RAD54L: variants seen among roughly 807,000 people sequenced by gnomAD.
RAD54L encodes the protein RAD54 like, also known as DNA repair and recombination protein RAD54-like.
RAD54L carries 74 observed loss-of-function variants against 91.6 expected under a neutral mutation model. That is an observed-to-expected ratio of 0.81 (90% CI 0.67 to 0.98). The LOEUF (loss-of-function observed/expected upper bound fraction) is 0.98. RAD54L is among the 50% of genes least tolerant of loss of function. The pLI, the probability that RAD54L is intolerant of heterozygous loss-of-function variation, is 0.00. For missense variants in RAD54L, 887 were observed against 945.7 expected (o/e 0.94, Z 0.81); for synonymous variants, 304 against 349.7 (o/e 0.87, Z 1.46).
chr1:46,256,744 G>A (rs1659952794), intron 3 of RAD54L, among the ~76,000 whole-genome samples: 1 of 152,082 alleles, frequency 6.6e-6, no homozygotes, highest in African/African-American at 2.4e-5. Context: ...ATGTTATTTA[G>A]TGTGATGTTG....
At chr1:46,269,724 C>G in intron 9 of RAD54L, among the ~76,000 whole-genome samples, 1 of 152,182 alleles carries the variant, frequency 6.6e-6, no homozygotes, top group African/African-American at 2.4e-5. Context: ...CAGATAAATT[C>G]TGAAAGATCT....
In RAD54L at chr1:46,270,800, C is replaced by T. The variant is rs374008138; in HGVS notation, c.1169+15C>T. On this transcript the variant is annotated intron_variant, in intron 10 of 17. Coordinates refer to ENST00000371975, the MANE Select transcript of RAD54L (RefSeq NM_003579.4). ...ATTGTGAATAGGTAATGACCTTAAG[C>T]GAAGTCATTAGAATTGCCTCCCAAA... is the stretch of plus-strand genomic sequence containing the variant. 1.1e-4 allele frequency: 180 copies of T among 1,613,802 alleles called. No homozygotes were observed. Among genetic ancestry groups the T allele is most frequent in the Non-Finnish European group, 1.4e-4 (164 of 1,179,904 alleles).
rs1660648818 is a variant in RAD54L at position 46,277,562 on chromosome 1, AT to A, written c.1870-252del. The A allele has an allele frequency of 1.7e-5, 9 of 530,392 alleles. No homozygotes were observed. The South Asian group carries it at 1.9e-4, about 11-fold the overall frequency. 32.9% of individuals were successfully genotyped at this position (530,392 alleles called of 1,614,324 possible). ...ACAAACCTCAGTTCACCCTGACGGG[AT>A]TTAGCCAGGCCCTGGGACCCTTCAT... On this transcript the variant is annotated intron_variant, in intron 16 of 17. Transcript: ENST00000371975.
intron 12 of RAD54L, 72 bp downstream of exon 12, chr1:46,272,874 GCAAC>G (rs1170934719): frequency 6.3e-7 from 1 of 1,593,224 alleles, no homozygotes; most frequent in African/African-American, 1.3e-5. Flanking sequence ...TAGTGGCCTG[GCAAC>G]CCTCACTAAA....
At chr1:46,259,878 G>A in intron 4 of RAD54L, 86 bp from the exon 5 acceptor site, 3 of 1,578,696 alleles carry the variant, frequency 1.9e-6, no homozygotes, top group Non-Finnish European at 2.6e-6. Context: ...GCTCGGGAAA[G>A]GTTATGTGAA....
intron 3 of RAD54L, among the ~76,000 whole-genome samples, chr1:46,251,360 A>G (rs1436827222): frequency 1.3e-5 from 2 of 152,202 alleles, no homozygotes; most frequent in East Asian, 1.9e-4. Context: ...CTTGATAAAT[A>G]TAGATATATT....
At position 46,265,571 on chromosome 1, in the gene RAD54L, G is replaced by A. The variant is rs1349593292; in HGVS notation, c.892-1888G>A. Among the ~76,000 whole-genome samples the A allele has an allele frequency of 2.6e-5, 4 of 152,126 alleles. No individual in the cohort carries two copies. Among genetic ancestry groups the A allele is most frequent in the Non-Finnish European group, 4.4e-5 (3 of 68,014 alleles). ...TTACAGGCATGAGCCACCATGCCCCGTTGGTTTATTTAATCTTTAATAGCA... is the reference window on the plus strand; with the variant it reads ...TTACAGGCATGAGCCACCATGCCCCATTGGTTTATTTAATCTTTAATAGCA... On this transcript the variant is annotated intron_variant, in intron 8 of 17. Transcript: ENST00000371975. The surrounding 1 kb of genome is among the most constrained non-coding windows in gnomAD (Gnocchi z 4.8).
At chr1:46,261,526 C>A in intron 8 of RAD54L, 141 bp downstream of exon 8, 1 of 1,023,058 alleles carries the variant, frequency 9.8e-7, no homozygotes, top group Non-Finnish European at 1.5e-6. Flanking sequence ...ACAGGGAGAG[C>A]CTGTGATACC....
intron 8 of RAD54L, among the ~76,000 whole-genome samples, chr1:46,266,372 G>A (rs1242374397): frequency 6.6e-6 from 1 of 152,240 alleles, no homozygotes; most frequent in Non-Finnish European, 1.5e-5. Context: ...TGACCCAAGG[G>A]AGCAAGACTG....
intron 3 of RAD54L, 112 bp downstream of exon 3, chr1:46,250,231 ACATCTGTAGGGG>A: frequency 1.4e-6 from 2 of 1,454,514 alleles, no homozygotes; most frequent in South Asian, 2.3e-5. Context: ...CAGAAGACAC[ACATCTGTAGGGG>A]CTTTGGACCT....
At chr1:46,255,389 A>G (rs1044200322) in intron 3 of RAD54L, among the ~76,000 whole-genome samples, 1 of 151,780 alleles carries the variant, frequency 6.6e-6, no homozygotes, top group Non-Finnish European at 1.5e-5. Flanking sequence ...GGTATGAATT[A>G]TCAGTAACTA....
At chr1:46,257,799 C>T (rs984690051) in intron 3 of RAD54L, among the ~76,000 whole-genome samples, 3 of 152,278 alleles carry the variant, frequency 2.0e-5, no homozygotes, top group East Asian at 1.9e-4. Flanking sequence ...TGAGAGGCCA[C>T]GTTGCCTACT....
Position 46,250,938 on chromosome 1 carries a change from T to C in RAD54L, c.210+819T>C, listed in dbSNP as rs77713908. Among the ~76,000 whole-genome samples, 156 of 148,988 alleles carry C rather than the reference T, an allele frequency of 1.0e-3. 1 individual carries two copies. The South Asian group carries it at 0.016, about 16-fold the overall frequency. ...GTGAGTCAAGATCACGCCACTGCAC[T>C]CCAGCCTGGGCAAGAGTGAGACTCG... On this transcript the variant is annotated intron_variant, in intron 3 of 17. Coordinates refer to ENST00000371975, the MANE Select transcript of RAD54L (RefSeq NM_003579.4).
intron 3 of RAD54L, among the ~76,000 whole-genome samples, chr1:46,250,651 T>G (rs28363196): frequency 0.081 from 12,350 of 152,244 alleles, 662 homozygotes; most frequent in Middle Eastern, 0.14. Context: ...TAATGGAGAT[T>G]AGTCATTTGT....
At chr1:46,251,367 T>C (rs1659794809) in intron 3 of RAD54L, among the ~76,000 whole-genome samples, 2 of 152,122 alleles carry the variant, frequency 1.3e-5, no homozygotes, top group Admixed American at 6.6e-5. Context: ...AATATAGATA[T>C]ATTACATAAG....
chr1:46,266,009 G>C (rs540004749), intron 8 of RAD54L, among the ~76,000 whole-genome samples: 1 of 152,320 alleles, frequency 6.6e-6, no homozygotes, highest in South Asian at 2.1e-4. Flanking sequence ...TCACTAAATA[G>C]TAGCAGCCAT....
At position 46,263,359 on chromosome 1, in the gene RAD54L, T is replaced by C. The variant is rs1466116567; in HGVS notation, c.891+1974T>C. ...TGAGGCTATAGTCATTGTTTGCAAC[T>C]TCTTGGGAGAGTTAACCTCCTTTGT... On this transcript the variant is annotated intron_variant, in intron 8 of 17. Coordinates refer to ENST00000371975, the MANE Select transcript of RAD54L (RefSeq NM_003579.4). The surrounding 1 kb of genome is among the most constrained non-coding windows in gnomAD (Gnocchi z 4.3). Among the ~76,000 whole-genome samples, 1 of 152,162 alleles carries C rather than the reference T, an allele frequency of 6.6e-6. No individual in the cohort carries two copies. Among genetic ancestry groups the C allele is most frequent in the African/African-American group, 2.4e-5 (1 of 41,430 alleles).
In RAD54L at chr1:46,260,946, T is replaced by C; in HGVS notation, c.697T>C (p.Trp233Arg). 6.2e-7 allele frequency: 1 copy of C among 1,614,110 alleles called. No homozygotes were observed. Among genetic ancestry groups the C allele is most frequent in the South Asian group, 1.1e-5 (1 of 91,078 alleles). The change falls in exon 7 of 18, where the codon TGG (tryptophan) becomes CGG (arginine). Residue 233 changes from tryptophan to arginine, a missense_variant. Trp to Arg is a moderately radical substitution (Grantham distance 101). Transcript: ENST00000371975. ...GAACTGGTACAATGAGGTTGGGAAA[T>C]GGCTCGGAGGGAGGATCCAACCTCT... is the stretch of plus-strand genomic sequence containing the variant. Reference protein sequence around the residue: ...VKNWYNEVGKWLGGRIQPLAI... With the variant: ...VKNWYNEVGKRLGGRIQPLAI...
In RAD54L at chr1:46,250,125, C is replaced by A. The variant is rs374602224; in HGVS notation, c.210+6C>A. On this transcript the variant is annotated splice_donor_region_variant and intron_variant, in intron 3 of 17. Transcript: ENST00000371975. ...GTCTGGACAGCAGTCAGCATGTAAG[C>A]CAGAACTGCAACCTGCATGTGTATG... is the stretch of plus-strand genomic sequence containing the variant. The A allele has an allele frequency of 6.2e-7, 1 of 1,614,116 alleles. No individual in the cohort carries two copies. Among genetic ancestry groups the A allele is most frequent in the Non-Finnish European group, 8.5e-7 (1 of 1,180,036 alleles).
Sources: gnomAD v4.1 joint callset for allele counts (sites outside exome capture counted in the v4.1 genomes callset) on GRCh38, gnomAD v4.1.1 for gene constraint, Gnocchi (gnomAD v3.1) non-coding constraint, MANE v1.5 for transcripts, NCBI Gene and HGNC (gene_info 2026-07-23, HGNC 2026-07-21) for gene names.